The following HYKK variants were observed in gnomAD, a reference collection of about 807,000 sequenced individuals.
HYKK encodes the protein 5-hydroxy-L-lysine kinase.
Under a neutral mutation model 29.7 loss-of-function variants are expected in HYKK, and 19 were observed. That is an observed-to-expected ratio of 0.64 (90% CI 0.45 to 0.94). The LOEUF is 0.94. HYKK is among the 40% of genes least tolerant of loss of function. The pLI, the probability that HYKK is intolerant of heterozygous loss-of-function variation, is 0.00. For synonymous variants in HYKK, 152 were observed against 158.1 expected (o/e 0.96, Z 0.29); for missense variants, 390 against 443.4 (o/e 0.88, Z 1.08).
At chr15:78,508,339 C>T (rs374919768) in intron 1 of HYKK, among the ~76,000 whole-genome samples, 1 of 151,962 alleles carries the variant, frequency 6.6e-6, no homozygotes, top group Non-Finnish European at 1.5e-5. Flanking sequence ...CTTGGAAGGA[C>T]GCAGCAAAAG....
intron 2 of HYKK, among the ~76,000 whole-genome samples, chr15:78,513,730 G>T (rs558924275): frequency 2.1e-4 from 32 of 152,230 alleles, no homozygotes; most frequent in South Asian, 1.2e-3. Flanking sequence ...GAAATCAGGG[G>T]AATATTTTTT....
rs1285942431 is a variant in HYKK, at chr15:78,533,988, T to C, written c.*318T>C. On this transcript the variant is annotated 3_prime_UTR_variant, in exon 5 of 5. Transcript: ENST00000388988. ...TTCCTGCCCTGAGATTAATGACTAT[T>C]TTAATTTTAAAAATAATATATACAT... 1 of 228,926 alleles carries C rather than the reference T, an allele frequency of 4.4e-6. No homozygotes were observed. Among genetic ancestry groups the C allele is most frequent in the African/African-American group, 2.3e-5 (1 of 43,184 alleles). The allele number at this position is 228,926 out of a possible 1,614,324, so 14.2% of individuals were successfully genotyped here.
rs904752107 is a variant in HYKK at position 78,534,900 on chromosome 15, C to A, written c.*1230C>A. Reference sequence around the variant, plus strand: ...GCATATAAGCATATATTTTTTAATTCTCTATAATCTGTTTCTTTTTGGATG... The same window carrying A: ...GCATATAAGCATATATTTTTTAATTATCTATAATCTGTTTCTTTTTGGATG... On this transcript the variant is annotated 3_prime_UTR_variant, in exon 5 of 5. Coordinates refer to ENST00000388988, the MANE Select transcript of HYKK (RefSeq NM_001013619.4). The A allele has an allele frequency of 2.0e-5, 3 of 152,154 alleles. No individual in the cohort carries two copies. The highest frequency in any genetic ancestry group is 2.9e-5 in the Non-Finnish European group (2 of 68,028). 9.4% of individuals were successfully genotyped at this position (152,154 alleles called of 1,614,324 possible).
At chr15:78,525,628 G>A (rs1026382141) in intron 3 of HYKK, among the ~76,000 whole-genome samples, 3 of 151,974 alleles carry the variant, frequency 2.0e-5, no homozygotes, top group Non-Finnish European at 4.4e-5. Flanking sequence ...CTCCCAAGTA[G>A]TTGGGACTAC....
chr15:78,517,553 T>G (rs1301236980), intron 3 of HYKK, among the ~76,000 whole-genome samples: 1 of 152,004 alleles, frequency 6.6e-6, no homozygotes, highest in African/African-American at 2.4e-5. Context: ...CACTCCAATC[T>G]GGGTGACAGA....
chr15:78,516,414 C>T (rs2052133838), intron 3 of HYKK, among the ~76,000 whole-genome samples: 1 of 147,164 alleles, frequency 6.8e-6, no homozygotes, highest in African/African-American at 2.5e-5. Context: ...GGTACAGTCA[C>T]AGCTTAATGC....
At chr15:78,518,704 A>C (rs923573861) in intron 3 of HYKK, 3 of 398,036 alleles carry the variant, frequency 7.5e-6, no homozygotes, top group African/African-American at 6.4e-5. Context: ...GATCACCTGA[A>C]GTCAGGAGTT....
At chr15:78,524,628 G>A (rs1306387454) in intron 3 of HYKK, among the ~76,000 whole-genome samples, 1 of 152,164 alleles carries the variant, frequency 6.6e-6, no homozygotes, top group African/African-American at 2.4e-5. Flanking sequence ...GGCCAACATG[G>A]TAAAACCCCG....
intron 4 of HYKK, among the ~76,000 whole-genome samples, chr15:78,529,152 C>T (rs2052287551): frequency 6.6e-6 from 1 of 152,220 alleles, no homozygotes; most frequent in South Asian, 2.1e-4. Flanking sequence ...CCTGCTCCTA[C>T]TCTGCCTCTC....
chr15:78,529,117 T>C (rs990502857), intron 4 of HYKK, among the ~76,000 whole-genome samples: 3 of 152,208 alleles, frequency 2.0e-5, no homozygotes, highest in African/African-American at 4.8e-5. Context: ...ATCTGGATGA[T>C]TGCAGTAGCC....
chr15:78,525,933 T>C (rs1438773474), intron 3 of HYKK, among the ~76,000 whole-genome samples: 1 of 152,230 alleles, frequency 6.6e-6, no homozygotes, highest in African/African-American at 2.4e-5. Context: ...CTGCAAGTCA[T>C]GCAAAAAAGT....
At chr15:78,514,132 CAT>C (rs1007199505) in intron 2 of HYKK, among the ~76,000 whole-genome samples, 5 of 151,210 alleles carry the variant, frequency 3.3e-5, no homozygotes, top group African/African-American at 1.2e-4. Flanking sequence ...AATAATAAAA[CAT>C]TTTTATTATT....
At chr15:78,510,027 G>A (rs2052055994) in intron 1 of HYKK, among the ~76,000 whole-genome samples, 1 of 152,136 alleles carries the variant, frequency 6.6e-6, no homozygotes, top group Non-Finnish European at 1.5e-5. Flanking sequence ...GGGCTAGGGG[G>A]TGGTTAGCGT....
At chr15:78,532,191 A>G (rs1336335376) in intron 4 of HYKK, among the ~76,000 whole-genome samples, 1 of 152,168 alleles carries the variant, frequency 6.6e-6, no homozygotes, top group East Asian at 1.9e-4. Context: ...ATATGGTCCT[A>G]CTGTGCATGA....
chr15:78,515,150 G>C lies in HYKK; in HGVS notation c.477+43G>C, dbSNP rs772596785. ...ATTTTATTCTAAGGGATGTTTGTTT[G>C]CTTGTTATTTTATTTTTAAAATAAA... On this transcript the variant is annotated intron_variant, in intron 3 of 4. Coordinates refer to ENST00000388988, the MANE Select transcript of HYKK (RefSeq NM_001013619.4). 1.5e-5 allele frequency: 21 copies of C among 1,425,220 alleles called. No homozygotes were observed. The South Asian group carries it at 2.8e-4, about 19-fold the overall frequency. The allele number at this position is 1,425,220 out of a possible 1,614,324, so 88.3% of individuals were successfully genotyped here.
At chr15:78,527,327 C>T in intron 3 of HYKK, 53 bp from the exon 4 acceptor site, 1 of 1,440,548 alleles carries the variant, frequency 6.9e-7, no homozygotes, top group Admixed American at 1.8e-5. Context: ...TCCCACCTCT[C>T]TCAGCAGTGG....
intron 3 of HYKK, among the ~76,000 whole-genome samples, chr15:78,525,250 G>A (rs1243316999): frequency 1.3e-5 from 2 of 151,716 alleles, no homozygotes; most frequent in Non-Finnish European, 2.9e-5. Flanking sequence ...CTGCCTCCCA[G>A]ATTCATGCCA....
chr15:78,508,066 G>A (rs2052032410), intron 1 of HYKK, among the ~76,000 whole-genome samples: 1 of 152,096 alleles, frequency 6.6e-6, no homozygotes, highest in South Asian at 2.1e-4. Context: ...CTGCCTCTTG[G>A]TTCAGCAGCC....
Position 78,527,369 on chromosome 15 carries a change from T to G in HYKK, c.478-11T>G, listed in dbSNP as rs1428336688. ...TGTCAAGAGACTAAGAATATCTCGC[T>G]TTTGATTTAGAGATTCCATCACCCA... On this transcript the variant is annotated splice_polypyrimidine_tract_variant and intron_variant, in intron 3 of 4. Transcript: ENST00000388988. 3 of 1,612,974 alleles carry G rather than the reference T, an allele frequency of 1.9e-6. No homozygotes were observed. Among genetic ancestry groups the G allele is most frequent in the Non-Finnish European group, 2.5e-6 (3 of 1,179,158 alleles).
Sources: allele counts gnomAD v4.1 joint callset (sites outside exome capture counted in the v4.1 genomes callset), GRCh38; gene constraint gnomAD v4.1.1; transcripts MANE v1.5; gene names NCBI Gene and HGNC (gene_info 2026-07-23, HGNC 2026-07-21).